NHS: variants seen among roughly 807,000 people sequenced by gnomAD.
NHS encodes actin remodeling regulator NHS.
NHS carries 5 observed loss-of-function variants against 72.5 expected under a neutral mutation model. That is an observed-to-expected ratio of 0.07 (90% confidence interval 0.04 to 0.14). The LOEUF is 0.14. NHS is among the 10% of genes least tolerant of loss of function. NHS has a pLI of 1.00. For missense variants in NHS, 1,072 were observed against 1,355.7 expected (o/e 0.79, Z 3.29); for synonymous variants, 464 against 547.7 (o/e 0.85, Z 2.13).
chrX:17,426,145 G>A (rs1268808468), intron 1 of NHS, among the ~76,000 whole-genome samples: 1 of 112,208 alleles, frequency 8.9e-6, no homozygotes, highest in Non-Finnish European at 1.9e-5. Flanking sequence ...CCCAACTGCT[G>A]TTCAGTGGCA....
At chrX:17,718,982 T>A (rs1364150968) in intron 3 of NHS, among the ~76,000 whole-genome samples, 103 of 52,544 alleles carry the variant, frequency 2.0e-3, no homozygotes, top group Middle Eastern at 0.024. Context: ...GAAGAAAGGA[T>A]GGAGGGAAGG....
At chrX:17,629,149 T>C (rs1162832547) in intron 1 of NHS, among the ~76,000 whole-genome samples, 1 of 111,174 alleles carries the variant, frequency 9.0e-6, no homozygotes, top group Non-Finnish European at 1.9e-5. Context: ...AAACAAACAA[T>C]GAAATCTGGG....
intron 1 of NHS, among the ~76,000 whole-genome samples, chrX:17,500,775 C>T (rs954408031): frequency 4.5e-5 from 5 of 111,501 alleles, no homozygotes; most frequent in Non-Finnish European, 7.5e-5. Context: ...GTGGCTTTTG[C>T]GTTAGGCAGA....
chrX:17,572,863 A>G (rs1039391522), intron 1 of NHS, among the ~76,000 whole-genome samples: 17 of 111,445 alleles, frequency 1.5e-4, no homozygotes, highest in Non-Finnish European at 2.8e-4. Context: ...AGCTCTTGTA[A>G]GGAAGGCCTG....
chrX:17,451,384 T>G (rs2064804831), intron 1 of NHS, among the ~76,000 whole-genome samples: 1 of 112,193 alleles, frequency 8.9e-6, no homozygotes, highest in African/African-American at 3.2e-5. Flanking sequence ...ACCATCACCT[T>G]GCTGACCATT....
At position 17,598,458 on chromosome X, in the gene NHS, C is replaced by A. The variant is rs188923923; in HGVS notation, c.566-89284C>A. On this transcript the variant is annotated intron_variant, in intron 1 of 8. Coordinates refer to ENST00000676302, the MANE Select transcript of NHS (RefSeq NM_001291867.2). ...AAAGACATTTTTAAGTGTGCCCCCA[C>A]AAAGAAAACTTTTATTTAAAAAACA... Among the ~76,000 whole-genome samples the A allele has an allele frequency of 2.7e-5, 3 of 112,493 alleles. No homozygotes were observed. The Admixed American group carries it at 2.8e-4, about 11-fold the overall frequency.
chrX:17,725,343 C>T lies in NHS; in HGVS notation c.1241-4C>T. 1 of 1,205,993 alleles carries T rather than the reference C, an allele frequency of 8.3e-7. No individual in the cohort carries two copies. The highest frequency in any genetic ancestry group is 1.8e-5 in the South Asian group (1 of 56,838). ...TATCTCACTGTGCTTTCCATGTGCCCTAGATTCTGATGAATCACCAGTGGC... is the reference window on the plus strand; with the variant it reads ...TATCTCACTGTGCTTTCCATGTGCCTTAGATTCTGATGAATCACCAGTGGC... On this transcript the variant is annotated splice_region_variant and splice_polypyrimidine_tract_variant and intron_variant, in intron 6 of 8. Coordinates refer to ENST00000676302, the MANE Select transcript of NHS (RefSeq NM_001291867.2).
At chrX:17,571,617 G>C (rs1478370192) in intron 1 of NHS, among the ~76,000 whole-genome samples, 17 of 111,706 alleles carry the variant, frequency 1.5e-4, no homozygotes, top group Non-Finnish European at 2.6e-4. Context: ...CAAAAAACCA[G>C]CTCCTGGATT....
chrX:17,615,832 T>C (rs762856090), intron 1 of NHS, among the ~76,000 whole-genome samples: 56 of 91,903 alleles, frequency 6.1e-4, no homozygotes, highest in African/African-American at 2.2e-3. Context: ...TCATCTTAAG[T>C]GTTACTGCAT....
chrX:17,427,490 G>C (rs1197267794), intron 1 of NHS, among the ~76,000 whole-genome samples: 3 of 112,680 alleles, frequency 2.7e-5, no homozygotes, highest in African/African-American at 9.7e-5. Flanking sequence ...GTGACTTGCT[G>C]AGTGTTTGTA....
chrX:17,556,186 A>T (rs1341195718), intron 1 of NHS, among the ~76,000 whole-genome samples: 1 of 112,647 alleles, frequency 8.9e-6, no homozygotes, highest in Non-Finnish European at 1.9e-5. Context: ...ACTGGGAGTG[A>T]CAGAAACATC....
chrX:17,704,457 C>T (rs190442761), intron 3 of NHS, among the ~76,000 whole-genome samples: 66 of 109,892 alleles, frequency 6.0e-4, no homozygotes, highest in African/African-American at 1.5e-3. Flanking sequence ...CGCGCCACCA[C>T]GCCTGGCTAA....
intron 1 of NHS, among the ~76,000 whole-genome samples, chrX:17,494,818 G>T (rs757862174): frequency 1.6e-4 from 18 of 112,456 alleles, no homozygotes; most frequent in Non-Finnish European, 3.0e-4. Context: ...TTTTGCATGT[G>T]CATGCCATTG....
chrX:17,675,010 A>G (rs1442757947), intron 1 of NHS, among the ~76,000 whole-genome samples: 1 of 112,488 alleles, frequency 8.9e-6, no homozygotes, highest in Non-Finnish European at 1.9e-5. Context: ...CAGGAACTTT[A>G]CATGAATTTT....
intron 1 of NHS, among the ~76,000 whole-genome samples, chrX:17,446,648 T>C (rs748351407): frequency 5.0e-4 from 52 of 103,819 alleles, no homozygotes; most frequent in African/African-American, 2.0e-3. Context: ...ATAAACAGCC[T>C]TTTTGCCCAA....
chrX:17,682,410 G>A (rs192229288), intron 1 of NHS, among the ~76,000 whole-genome samples: 29 of 111,563 alleles, frequency 2.6e-4, no homozygotes, highest in African/African-American at 8.1e-4. Flanking sequence ...GCACCAGAAC[G>A]GATGGTTTGT....
intron 1 of NHS, among the ~76,000 whole-genome samples, chrX:17,433,083 T>G (rs917661320): frequency 2.0e-4 from 22 of 109,713 alleles, no homozygotes; most frequent in East Asian, 5.7e-4. Context: ...AGGCTGGAGT[T>G]CAGTGGCGCA....
intron 1 of NHS, among the ~76,000 whole-genome samples, chrX:17,407,075 C>T (rs1489206580): frequency 9.0e-6 from 1 of 111,707 alleles, no homozygotes; most frequent in Non-Finnish European, 1.9e-5. Context: ...ACCTGAGAAA[C>T]CTACATCTGC....
intron 3 of NHS, among the ~76,000 whole-genome samples, chrX:17,712,466 G>C (rs2066341040): frequency 9.8e-6 from 1 of 102,464 alleles, no homozygotes; most frequent in African/African-American, 3.6e-5. Flanking sequence ...ATATCTCTCA[G>C]GGAAAGGAAG....
Sources: gnomAD v4.1 joint callset for allele counts (sites outside exome capture counted in the v4.1 genomes callset) on GRCh38, gnomAD v4.1.1 for gene constraint, MANE v1.5 for transcripts, NCBI Gene and HGNC (gene_info 2026-07-23, HGNC 2026-07-21) for gene names.